FOXP1: variants seen among roughly 807,000 people sequenced by gnomAD.
FOXP1 encodes the protein forkhead box P1, also known as forkhead box protein P1.
FOXP1 carries 15 observed loss-of-function variants against 98.2 expected under a neutral mutation model. The observed-to-expected ratio is 0.15, with a 90% CI of 0.10 to 0.24. FOXP1 has a LOEUF of 0.24. Ranked by LOEUF, FOXP1 falls within the 10% of genes least tolerant of loss-of-function variation. The pLI is 1.00. For synonymous variants in FOXP1, 371 were observed against 314.5 expected, an observed-to-expected ratio of 1.18 and a Z score of -1.90; for missense variants, 633 against 848.5, an observed-to-expected ratio of 0.75 and a Z score of 3.15.
At chr3:71,211,986 T>C (rs2064505560) in intron 5 of FOXP1, among the ~76,000 whole-genome samples, 2 of 152,224 alleles carry the variant, frequency 1.3e-5, no homozygotes, top group African/African-American at 4.8e-5. Flanking sequence ...TTATAATGCA[T>C]GTTATAAAAC....
chr3:71,491,513 CT>C (rs1312233200), intron 3 of FOXP1, among the ~76,000 whole-genome samples: 1 of 152,214 alleles, frequency 6.6e-6, no homozygotes, highest in African/African-American at 2.4e-5. Context: ...TTAACCATTT[CT>C]TTTCATTGTG....
intron 3 of FOXP1, among the ~76,000 whole-genome samples, chr3:71,423,510 C>T (rs907562177): frequency 6.6e-6 from 1 of 152,212 alleles, no homozygotes; most frequent in African/African-American, 2.4e-5. Flanking sequence ...ATAGGATATC[C>T]GGGATTAGAC....
chr3:71,497,518 A>C (rs933730131), intron 2 of FOXP1, among the ~76,000 whole-genome samples: 1 of 152,166 alleles, frequency 6.6e-6, no homozygotes, highest in Admixed American at 6.5e-5. Flanking sequence ...TAGCAATATC[A>C]ATCACCAAGG....
intron 3 of FOXP1, among the ~76,000 whole-genome samples, chr3:71,434,008 T>G (rs115110535): frequency 0.015 from 2,355 of 152,288 alleles, 54 homozygotes; most frequent in African/African-American, 0.054. Context: ...GAAAAATTAT[T>G]TAAAGACCAA....
At chr3:71,130,470 A>G (rs1195719736) in intron 6 of FOXP1, 2 of 1,596,818 alleles carry the variant, frequency 1.3e-6, no homozygotes, top group South Asian at 2.2e-5. Context: ...CCCAGCAAAA[A>G]AATGTTTCTT....
intron 3 of FOXP1, among the ~76,000 whole-genome samples, chr3:71,460,940 G>T (rs1271041463): frequency 6.6e-6 from 1 of 152,092 alleles, no homozygotes; most frequent in East Asian, 1.9e-4. Context: ...GCCTTTGACT[G>T]TCGGGAATAG....
intron 7 of FOXP1, chr3:71,065,074 CCGCGCCCCGCGCCCG>C (rs1436890137): frequency 3.4e-5 from 5 of 147,644 alleles, no homozygotes; most frequent in East Asian, 2.0e-4. Flanking sequence ...GCTCCGCGGC[CCGCGCCCCGCGCCCG>C]CGCGCCCCGG....
chr3:71,474,794 A>G (rs2089676122), intron 3 of FOXP1, among the ~76,000 whole-genome samples: 2 of 152,158 alleles, frequency 1.3e-5, no homozygotes, highest in African/African-American at 2.4e-5. Flanking sequence ...TAATTACTTC[A>G]TTATATAATA....
Position 71,332,069 on chromosome 3 carries a change from AG to A in FOXP1, c.-73+27080del, listed in dbSNP as rs2076355790. The A allele has an allele frequency of 2.0e-5, 3 of 152,290 alleles. No homozygotes were observed. In the South Asian group the frequency reaches 6.2e-4, roughly 31 times the overall value. 9.4% of individuals were successfully genotyped at this position (152,290 alleles called of 1,614,324 possible). On this transcript the variant is annotated intron_variant, in intron 4 of 20. Transcript: ENST00000649528. Reference sequence around the variant, plus strand: ...AAATAAAAAGCAGGCTGCCCGAGCCAGCAGTGGCAACCCGCTTGGGTCCCCT... The same window carrying A: ...AAATAAAAAGCAGGCTGCCCGAGCCACAGTGGCAACCCGCTTGGGTCCCCT...
At chr3:71,109,422 T>TA (rs2057722597) in intron 7 of FOXP1, among the ~76,000 whole-genome samples, 1 of 27,334 alleles carries the variant, frequency 3.7e-5, no homozygotes. Flanking sequence ...TTTGGGGATT[T>TA]GGGGGTTTTT....
chr3:71,531,221 C>A (rs1260533740), intron 2 of FOXP1, among the ~76,000 whole-genome samples: 1 of 152,200 alleles, frequency 6.6e-6, no homozygotes, highest in Admixed American at 6.5e-5. Flanking sequence ...CAAATCCGGG[C>A]TTAGGATTCA....
chr3:71,111,933 G>C (rs139297945), intron 7 of FOXP1, among the ~76,000 whole-genome samples: 1 of 152,034 alleles, frequency 6.6e-6, no homozygotes, highest in African/African-American at 2.4e-5. Flanking sequence ...TCCTCAGGCC[G>C]AGTCATAGTT....
At chr3:70,979,344 T>C (rs2038366694) in intron 14 of FOXP1, among the ~76,000 whole-genome samples, 2 of 141,110 alleles carry the variant, frequency 1.4e-5, no homozygotes, top group Admixed American at 1.4e-4. Context: ...TAATGAGCAC[T>C]GTTTCAATTT....
intron 5 of FOXP1, among the ~76,000 whole-genome samples, chr3:71,231,848 C>A (rs934859218): frequency 6.6e-6 from 1 of 152,134 alleles, no homozygotes; most frequent in Non-Finnish European, 1.5e-5. Flanking sequence ...AAATTTAGAA[C>A]GAGGGGAACA....
At chr3:71,571,715 GAATT>G (rs1159501379) in intron 2 of FOXP1, 3 of 152,108 alleles carry the variant, frequency 2.0e-5, no homozygotes, top group African/African-American at 7.2e-5. Flanking sequence ...CTGTACATCA[GAATT>G]AAATATGTTC....
chr3:71,120,517 T>C (rs772216718), intron 6 of FOXP1, among the ~76,000 whole-genome samples: 13 of 152,222 alleles, frequency 8.5e-5, no homozygotes, highest in Admixed American at 8.5e-4. Flanking sequence ...AATGTCAAGA[T>C]AGGCATGGAG....
chr3:71,553,066 T>C (rs1284690797), intron 2 of FOXP1, among the ~76,000 whole-genome samples: 4 of 152,118 alleles, frequency 2.6e-5, no homozygotes, highest in Admixed American at 6.5e-5. Flanking sequence ...TATTTAATTA[T>C]ACCTTCAAAT....
chr3:71,333,921 A>G (rs1464002463), intron 4 of FOXP1: 1 of 152,202 alleles, frequency 6.6e-6, no homozygotes, highest in East Asian at 1.9e-4. Flanking sequence ...CTTGAAAAAA[A>G]GAAAAATCAT....
chr3:71,220,463 G>C (rs1374918229), intron 5 of FOXP1, among the ~76,000 whole-genome samples: 1 of 152,134 alleles, frequency 6.6e-6, no homozygotes, highest in Non-Finnish European at 1.5e-5. Flanking sequence ...GATGGTGAGG[G>C]GAGGGCCAGC....
Sources: allele counts gnomAD v4.1 joint callset (sites outside exome capture counted in the v4.1 genomes callset), GRCh38; gene constraint gnomAD v4.1.1; transcripts MANE v1.5; gene names NCBI Gene and HGNC (gene_info 2026-07-23, HGNC 2026-07-21).